Variants in BLTP1 observed in about 807,000 individuals in gnomAD.
The protein encoded by BLTP1 is fragile site-associated protein.
the BLTP1 span, among the ~76,000 whole-genome samples, chr4:122,242,129 A>G: frequency 2.6e-5 from 4 of 152,196 alleles, no homozygotes; most frequent in Non-Finnish European, 5.9e-5. Flanking sequence ...ACTGGGTAAT[A>G]TCCAAAGGCA....
At chr4:122,256,447 C>G in the BLTP1 span, among the ~76,000 whole-genome samples, 1 of 152,138 alleles carries the variant, frequency 6.6e-6, no homozygotes, top group African/African-American at 2.4e-5. Flanking sequence ...CACAACATGG[C>G]CGTCATGCAA....
At chr4:122,154,426 C>A in the BLTP1 span, 2 of 984,894 alleles carry the variant, frequency 2.0e-6, no homozygotes, top group Non-Finnish European at 2.4e-6. Flanking sequence ...GACTTTTGAG[C>A]TATTGATACC....
At chr4:122,277,040 G>A in the BLTP1 span, 1 of 984,892 alleles carries the variant, frequency 1.0e-6, no homozygotes, top group Non-Finnish European at 1.2e-6. Context: ...GCCAAATTTA[G>A]TGATTGTCAA....
the BLTP1 span, chr4:122,197,565 T>C: frequency 4.0e-6 from 2 of 499,238 alleles, no homozygotes; most frequent in Non-Finnish European, 5.2e-6. Flanking sequence ...AGTTAGACTG[T>C]TGCACTTTGA....
chr4:122,313,671 A>G, the BLTP1 span: 7 of 1,578,736 alleles, frequency 4.4e-6, no homozygotes, highest in African/African-American at 5.4e-5. Context: ...CAAGAACTAC[A>G]GGACAAGCAG....
the BLTP1 span, chr4:122,301,289 C>T: frequency 1.3e-6 from 2 of 1,562,134 alleles, no homozygotes; most frequent in Non-Finnish European, 1.7e-6. Context: ...CCGAACTCTT[C>T]TTTCCTTTAG....
chr4:122,316,509 G>T, the BLTP1 span: 1 of 540,874 alleles, frequency 1.8e-6, no homozygotes, highest in South Asian at 1.5e-5. Flanking sequence ...AGTCTAGCCA[G>T]TCCCATTTGA....
chr4:122,299,719 A>G, the BLTP1 span: 1 of 829,596 alleles, frequency 1.2e-6, no homozygotes, highest in Non-Finnish European at 1.5e-6. Context: ...GGGGGGTGAT[A>G]TTATATACAC....
chr4:122,292,249 T>C, the BLTP1 span: 8 of 650,502 alleles, frequency 1.2e-5, no homozygotes, highest in Non-Finnish European at 1.9e-6. Flanking sequence ...ATTACAGGCG[T>C]GAGCCACTGT....
the BLTP1 span, chr4:122,247,085 CT>C: frequency 4.0e-6 from 6 of 1,483,512 alleles, no homozygotes; most frequent in Non-Finnish European, 3.7e-6. Context: ...TAAAGGAAAC[CT>C]TTTAGGTAAA....
the BLTP1 span, among the ~76,000 whole-genome samples, chr4:122,354,400 C>T: frequency 0.081 from 12,174 of 151,122 alleles, 777 homozygotes; most frequent in Non-Finnish European, 0.11. Flanking sequence ...ACTTAAAGTT[C>T]GAATAGCTAG....
At chr4:122,188,263 CCAGTGATAAA>C in the BLTP1 span, 5 of 614,364 alleles carry the variant, frequency 8.1e-6, no homozygotes, top group African/African-American at 9.9e-5. Context: ...GATATGCTAT[CCAGTGATAAA>C]CTCTAATTTT....
the BLTP1 span, chr4:122,315,704 G>C: frequency 6.2e-7 from 1 of 1,611,830 alleles, no homozygotes; most frequent in Non-Finnish European, 8.5e-7. Context: ...TAAACTCACT[G>C]TTAGAATTTT....
At chr4:122,212,024 G>A in the BLTP1 span, 29 of 981,262 alleles carry the variant, frequency 3.0e-5, no homozygotes, top group Admixed American at 1.2e-4. Context: ...TTTGGATATC[G>A]AATACCTAGC....
the BLTP1 span, chr4:122,347,388 A>G: frequency 7.6e-7 from 1 of 1,318,466 alleles, no homozygotes; most frequent in Non-Finnish European, 1.0e-6. Flanking sequence ...AAATTGCTGT[A>G]CAGCTGCTAA....
At chr4:122,217,278 C>T in the BLTP1 span, among the ~76,000 whole-genome samples, 1 of 151,676 alleles carries the variant, frequency 6.6e-6, no homozygotes, top group East Asian at 1.9e-4. Flanking sequence ...AGTTTGAAGT[C>T]GGGTAATGTG....
chr4:122,166,783 C>T, the BLTP1 span, among the ~76,000 whole-genome samples: 43 of 152,100 alleles, frequency 2.8e-4, no homozygotes, highest in African/African-American at 1.0e-3. Context: ...TTGAAGAGGT[C>T]CTTCACATCC....
chr4:122,192,158 T>C, the BLTP1 span: 1 of 1,524,480 alleles, frequency 6.6e-7, no homozygotes, highest in South Asian at 1.3e-5. Flanking sequence ...ATGTTGGAGC[T>C]ACTGATCTAA....
At chr4:122,224,188 C>T in the BLTP1 span, 1 of 650,174 alleles carries the variant, frequency 1.5e-6, no homozygotes, top group East Asian at 1.4e-4. Flanking sequence ...TCTTGTATTC[C>T]CTGTCAAAGT....
Sources: allele counts gnomAD v4.1 joint callset (sites outside exome capture counted in the v4.1 genomes callset), GRCh38; gene constraint gnomAD v4.1.1; transcripts MANE v1.5; gene names NCBI Gene and HGNC (gene_info 2026-07-23, HGNC 2026-07-21).